SIPA1L2: variants seen among roughly 807,000 people sequenced by gnomAD.
SIPA1L2 encodes the protein signal-induced proliferation-associated 1-like protein 2.
In SIPA1L2, 56 loss-of-function variants were observed where a neutral mutation model predicts 163.9. The observed-to-expected ratio is 0.34, with a 90% confidence interval of 0.28 to 0.43. SIPA1L2 has a LOEUF of 0.43. SIPA1L2 is among the 20% of genes least tolerant of loss of function. SIPA1L2 has a pLI of 1.00. For synonymous variants in SIPA1L2, 877 were observed against 865.7 expected, an observed-to-expected ratio of 1.01 and a Z score of -0.23; for missense variants, 1,974 against 2,193.5, an observed-to-expected ratio of 0.90 and a Z score of 2.00.
At chr1:232,432,538 T>C in intron 15 of SIPA1L2, 67 bp from the exon 16 acceptor site, 1 of 1,479,030 alleles carries the variant, frequency 6.8e-7, no homozygotes, top group Admixed American at 1.8e-5. Context: ...CACGGCCAAA[T>C]TCAGAGCCAC....
intron 7 of SIPA1L2, among the ~76,000 whole-genome samples, chr1:232,477,924 G>T (rs1488765721): frequency 6.6e-6 from 1 of 152,242 alleles, no homozygotes; most frequent in East Asian, 1.9e-4. Context: ...ACTCGATGAC[G>T]GGGGTCAAAA....
In SIPA1L2 at chr1:232,471,523, C is replaced by G. The variant is rs1338057926; in HGVS notation, c.2091G>C (p.Leu697=). ...PYMPNNRQQL[L]RKRHIGNDIV... The stretch of plus-strand genomic sequence containing the variant: ...TGTCATTTCCTATGTGCCTTTTCCT[C>G]AGTAGCTGTGGTCAAGAAAGTGAAG... Residue 697 remains leucine (L), a synonymous_variant, in exon 8 of 23, where the codon CTG becomes CTC. Transcript: ENST00000674635. 1 of 1,610,244 alleles carries G rather than the reference C, an allele frequency of 6.2e-7. No homozygotes were observed. Among genetic ancestry groups the G allele is most frequent in the Non-Finnish European group, 8.5e-7 (1 of 1,178,694 alleles).
intron 5 of SIPA1L2, among the ~76,000 whole-genome samples, chr1:232,489,443 C>A (rs1168928355): frequency 1.3e-5 from 2 of 151,370 alleles, no homozygotes; most frequent in Non-Finnish European, 2.9e-5. Context: ...AATGGTAAAC[C>A]TATTCTGTGT....
intron 16 of SIPA1L2, among the ~76,000 whole-genome samples, chr1:232,430,717 C>T (rs1662180383): frequency 6.6e-6 from 1 of 152,180 alleles, no homozygotes; most frequent in African/African-American, 2.4e-5. Flanking sequence ...GGTCTCGAAT[C>T]CCAGCACCGG....
chr1:232,434,223 G>A lies in SIPA1L2; in HGVS notation c.4032-1752C>T, dbSNP rs747814619. Reference sequence around the variant, plus strand: ...GTATAAAGCAAGTCTCATAAAAGACGAATAAAGTATAAAAATAAGAGTGAT... The same window carrying A: ...GTATAAAGCAAGTCTCATAAAAGACAAATAAAGTATAAAAATAAGAGTGAT... On this transcript the variant is annotated intron_variant, in intron 15 of 22. Transcript: ENST00000674635. 2.0e-5 allele frequency among the ~76,000 whole-genome samples: 3 copies of A among 152,088 alleles called. No individual in the cohort carries two copies. In the East Asian group the frequency reaches 5.8e-4, roughly 29 times the overall value.
chr1:232,627,975 C>T (rs1038500203), intron 1 of SIPA1L2, among the ~76,000 whole-genome samples: 1 of 152,128 alleles, frequency 6.6e-6, no homozygotes, highest in Admixed American at 6.5e-5. Flanking sequence ...AGAACAAATT[C>T]AGTATGTCTT....
Position 232,533,334 on chromosome 1 carries a change from T to C in SIPA1L2, c.-269-17726A>G, listed in dbSNP as rs118177597. 1.7e-4 allele frequency among the ~76,000 whole-genome samples: 26 copies of C among 152,352 alleles called. No individual in the cohort carries two copies. In the East Asian group the frequency reaches 4.2e-3, roughly 25 times the overall value. ...ATTAATTCAGAAGTAGCATTAATGA[T>C]TGAGTTACCTTTTAAAGTCACCCTA... On this transcript the variant is annotated intron_variant, in intron 2 of 22. Transcript: ENST00000674635.
intron 18 of SIPA1L2, among the ~76,000 whole-genome samples, chr1:232,416,919 G>A (rs974449298): frequency 7.2e-5 from 11 of 151,876 alleles, no homozygotes; most frequent in African/African-American, 2.4e-4. Flanking sequence ...AATAATACTC[G>A]TTGTTAAGAA....
At chr1:232,529,907 G>A (rs2103080919) in intron 2 of SIPA1L2, among the ~76,000 whole-genome samples, 1 of 152,324 alleles carries the variant, frequency 6.6e-6, no homozygotes, top group East Asian at 1.9e-4. Context: ...AGAATGATGT[G>A]TCATCAGCAA....
chr1:232,413,188 A>T (rs1157603462), intron 19 of SIPA1L2, among the ~76,000 whole-genome samples: 1 of 152,224 alleles, frequency 6.6e-6, no homozygotes, highest in East Asian at 1.9e-4. Context: ...ACTGAAGCCC[A>T]AATTAATTCA....
intron 22 of SIPA1L2, among the ~76,000 whole-genome samples, chr1:232,401,661 T>C (rs1454374704): frequency 6.6e-6 from 1 of 152,212 alleles, no homozygotes; most frequent in Non-Finnish European, 1.5e-5. Context: ...AGCTCCCTCC[T>C]TGTGACTAGA....
rs1667179016 is a variant in SIPA1L2, at chr1:232,515,426, A to G, written c.-87T>C. 6 of 1,356,350 alleles carry G rather than the reference A, an allele frequency of 4.4e-6. No homozygotes were observed. The highest frequency in any genetic ancestry group is 5.9e-6 in the Non-Finnish European group (6 of 1,010,840). The allele number at this position is 1,356,350 out of a possible 1,614,324, so 84.0% of individuals were successfully genotyped here. A position where few individuals can be genotyped will look rare whatever the true frequency, so the allele number is the denominator to read the frequency against. On this transcript the variant is annotated 5_prime_UTR_variant, in exon 3 of 23. Transcript: ENST00000674635. ...CTACCGACCACGCCATAATACTTGC[A>G]GATATAAAGGCTTTGTCTGTAGTTG...
chr1:232,516,898 A>G (rs1667242000), intron 2 of SIPA1L2, among the ~76,000 whole-genome samples: 1 of 152,200 alleles, frequency 6.6e-6, no homozygotes, highest in South Asian at 2.1e-4. Context: ...TCTTCTGCCA[A>G]TGAGTAATAT....
chr1:232,558,620 C>T (rs774695272), intron 2 of SIPA1L2, among the ~76,000 whole-genome samples: 8 of 152,224 alleles, frequency 5.3e-5, no homozygotes, highest in Non-Finnish European at 7.3e-5. Flanking sequence ...TAGATCCATT[C>T]TCAGTGCACC....
At chr1:232,529,713 G>T (rs191435097) in intron 2 of SIPA1L2, among the ~76,000 whole-genome samples, 2 of 152,210 alleles carry the variant, frequency 1.3e-5, no homozygotes, top group Non-Finnish European at 2.9e-5. Context: ...AGGATATCAC[G>T]ATAGGGTGGC....
chr1:232,599,975 C>G (rs1661508577), intron 1 of SIPA1L2, among the ~76,000 whole-genome samples: 1 of 152,238 alleles, frequency 6.6e-6, no homozygotes, highest in African/African-American at 2.4e-5. Context: ...TACGAAGGAT[C>G]AGGAAGTAAA....
chr1:232,421,295 C>T lies in SIPA1L2; in HGVS notation c.4630+4294G>A, dbSNP rs973116351. 1.3e-4 allele frequency among the ~76,000 whole-genome samples: 19 copies of T among 151,942 alleles called. No homozygotes were observed. In the East Asian group the frequency reaches 1.4e-3, roughly 11 times the overall value. ...GGTAGTATCAGGGAACCACTGCCTG[C>T]GCACCTGCTCTGGCTTGCGCACCTG... On this transcript the variant is annotated intron_variant, in intron 18 of 22. Coordinates refer to ENST00000674635, the MANE Select transcript of SIPA1L2 (RefSeq NM_020808.5).
At chr1:232,470,369 G>A (rs566023222) in intron 8 of SIPA1L2, among the ~76,000 whole-genome samples, 1 of 152,262 alleles carries the variant, frequency 6.6e-6, no homozygotes, top group South Asian at 2.1e-4. Flanking sequence ...AAGGCGACTG[G>A]GAAGTAAAAT....
At chr1:232,549,586 A>G (rs1658259673) in intron 2 of SIPA1L2, among the ~76,000 whole-genome samples, 1 of 152,122 alleles carries the variant, frequency 6.6e-6, no homozygotes, top group African/African-American at 2.4e-5. Context: ...TTATGTGGGA[A>G]ATTTCCGTTA....
Sources: allele counts gnomAD v4.1 joint callset (sites outside exome capture counted in the v4.1 genomes callset), GRCh38; gene constraint gnomAD v4.1.1; transcripts MANE v1.5; gene names NCBI Gene and HGNC (gene_info 2026-07-23, HGNC 2026-07-21).